YAP1: variants seen among roughly 807,000 people sequenced by gnomAD.
YAP1 encodes the protein Yes1 associated transcriptional regulator, also known as transcriptional coactivator YAP1.
YAP1 carries 5 observed loss-of-function variants against 56.9 expected under a neutral mutation model. The observed-to-expected ratio is 0.09, with a 90% confidence interval of 0.05 to 0.18. The LOEUF (loss-of-function observed/expected upper bound fraction) is 0.18, where lower values mean the gene tolerates loss of function less well. Ranked by LOEUF, YAP1 falls within the 10% of genes least tolerant of loss-of-function variation. The pLI is 1.00. For missense variants in YAP1, 539 were observed against 651.8 expected, an observed-to-expected ratio of 0.83 and a Z score of 1.88; for synonymous variants, 265 against 248.1, an observed-to-expected ratio of 1.07 and a Z score of -0.64.
At position 102,230,290 on chromosome 11, in the gene YAP1, C is replaced by G; in HGVS notation, c.*350C>G. 1 of 196,728 alleles carries G rather than the reference C, an allele frequency of 5.1e-6. No homozygotes were observed. The highest frequency in any genetic ancestry group is 1.1e-5 in the Non-Finnish European group (1 of 94,998). The allele number at this position is 196,728 out of a possible 1,614,324, so 12.2% of individuals were successfully genotyped here. On this transcript the variant is annotated 3_prime_UTR_variant, in exon 9 of 9. Transcript: ENST00000282441. Reference sequence around the variant, plus strand: ...GTTCACCAATCATTTTAACTAAATACTCAGACTTAGAAGTCAGATGCTTCA... The same window carrying G: ...GTTCACCAATCATTTTAACTAAATAGTCAGACTTAGAAGTCAGATGCTTCA...
chr11:102,150,818 T>TTTTTTTTTG (rs1325239503), intron 2 of YAP1, among the ~76,000 whole-genome samples: 1 of 150,418 alleles, frequency 6.6e-6, no homozygotes, highest in African/African-American at 2.4e-5. Context: ...TTTTTTTTTT[T>TTTTTTTTTG]TGGAGACAGT....
rs962813997 is a variant in YAP1, at chr11:102,110,847, C to T, written c.-2C>T. 4.3e-6 allele frequency: 6 copies of T among 1,406,218 alleles called. No homozygotes were observed. The highest frequency in any genetic ancestry group is 5.6e-6 in the Non-Finnish European group (6 of 1,079,824). 87.1% of individuals were successfully genotyped at this position (1,406,218 alleles called of 1,614,324 possible). ...GGGTGCGCGTCGGGGGAGGCAGAAG[C>T]CATGGATCCCGGGCAGCAGCCGCCG... On this transcript the variant is annotated 5_prime_UTR_variant, in exon 1 of 9. Transcript: ENST00000282441.
intron 3 of YAP1, among the ~76,000 whole-genome samples, chr11:102,163,365 T>C (rs1946410788): frequency 6.6e-6 from 1 of 152,220 alleles, no homozygotes; most frequent in African/African-American, 2.4e-5. Flanking sequence ...TATCACATAC[T>C]GTCTGGCGTC....
intron 4 of YAP1, 118 bp downstream of exon 4, chr11:102,186,249 C>A: frequency 1.8e-6 from 2 of 1,109,660 alleles, no homozygotes; most frequent in Non-Finnish European, 1.3e-6. Context: ...AAAAAATGAC[C>A]CTGCCCACCC....
At chr11:102,185,123 C>G (rs1947877983) in intron 3 of YAP1, among the ~76,000 whole-genome samples, 1 of 152,140 alleles carries the variant, frequency 6.6e-6, no homozygotes, top group Non-Finnish European at 1.5e-5. Flanking sequence ...TGCCCTGCCT[C>G]TTTTGATTCC....
chr11:102,195,745 A>G (rs1012843710), intron 4 of YAP1, among the ~76,000 whole-genome samples: 3 of 152,206 alleles, frequency 2.0e-5, no homozygotes, highest in African/African-American at 7.2e-5. Context: ...CTCCCCAGCC[A>G]TGCTGAACTG....
chr11:102,160,665 G>A (rs894490566), intron 2 of YAP1, among the ~76,000 whole-genome samples: 2 of 145,876 alleles, frequency 1.4e-5, no homozygotes, highest in African/African-American at 2.6e-5. Flanking sequence ...GCTAAAAGAC[G>A]TGTTTTTATT....
chr11:102,174,087 A>C (rs1399761166), intron 3 of YAP1, among the ~76,000 whole-genome samples: 1 of 152,216 alleles, frequency 6.6e-6, no homozygotes, highest in Non-Finnish European at 1.5e-5. Context: ...GGTGATGCTG[A>C]TACTGCTGGT....
intron 2 of YAP1, among the ~76,000 whole-genome samples, chr11:102,131,919 C>A (rs1591169721): frequency 6.6e-6 from 1 of 151,960 alleles, no homozygotes; most frequent in Non-Finnish European, 1.5e-5. Flanking sequence ...AAAAGTGATA[C>A]CAAGCCTGGC....
At chr11:102,175,211 C>T (rs367906838) in intron 3 of YAP1, among the ~76,000 whole-genome samples, 1 of 152,086 alleles carries the variant, frequency 6.6e-6, no homozygotes, top group African/African-American at 2.4e-5. Context: ...ACCAGCCTGA[C>T]CAACATGGTG....
At chr11:102,170,966 CA>C (rs5794159) in intron 3 of YAP1, among the ~76,000 whole-genome samples, 112,136 of 129,258 alleles carry the variant, frequency 0.87, 49,756 homozygotes, top group Non-Finnish European at 0.98. Flanking sequence ...GACTCTGTCT[CA>C]AAAAAAAAAA....
chr11:102,214,894 T>C (rs1341831149), intron 6 of YAP1, among the ~76,000 whole-genome samples: 1 of 152,208 alleles, frequency 6.6e-6, no homozygotes, highest in East Asian at 1.9e-4. Context: ...AGGATAATGC[T>C]AGGGAACACC....
intron 2 of YAP1, among the ~76,000 whole-genome samples, chr11:102,121,373 G>A (rs1446514727): frequency 6.6e-6 from 1 of 151,604 alleles, no homozygotes; most frequent in Non-Finnish European, 1.5e-5. Flanking sequence ...CTGGGAAGTC[G>A]AGGCTGCAGT....
intron 2 of YAP1, among the ~76,000 whole-genome samples, chr11:102,143,356 T>A (rs1945126183): frequency 6.6e-6 from 1 of 152,224 alleles, no homozygotes; most frequent in African/African-American, 2.4e-5. Flanking sequence ...CAGATGATTC[T>A]GATGTATCCA....
rs143917627 is a variant in YAP1, at chr11:102,207,735, C to G, written c.984+1661C>G. ...TTAAATTAAGCCATGGCATCTGAGA[C>G]AGGCTCACGTTGAAACTGTGCTTTG... is the stretch of plus-strand genomic sequence containing the variant. On this transcript the variant is annotated intron_variant, in intron 5 of 8. Coordinates refer to ENST00000282441, the MANE Select transcript of YAP1 (RefSeq NM_001130145.3). Among the ~76,000 whole-genome samples, 1,084 of 152,224 alleles carry G rather than the reference C, an allele frequency of 7.1e-3. 17 individuals carry two copies. The highest frequency in any genetic ancestry group is 0.025 in the African/African-American group (1,020 of 41,522).
intron 2 of YAP1, among the ~76,000 whole-genome samples, chr11:102,143,330 T>G (rs962955514): frequency 2.0e-5 from 3 of 152,224 alleles, no homozygotes; most frequent in Non-Finnish European, 4.4e-5. Flanking sequence ...AATTAAGTAC[T>G]GTTGCAGAAG....
intron 6 of YAP1, among the ~76,000 whole-genome samples, chr11:102,222,390 T>C (rs1949976998): frequency 6.6e-6 from 1 of 152,016 alleles, no homozygotes; most frequent in South Asian, 2.1e-4. Flanking sequence ...TAAGAAACAG[T>C]GAACAGATAA....
At chr11:102,164,150 G>A (rs577562471) in intron 3 of YAP1, among the ~76,000 whole-genome samples, 14 of 151,534 alleles carry the variant, frequency 9.2e-5, no homozygotes, top group Middle Eastern at 3.2e-3. Context: ...TGATTCTCGC[G>A]CCTCAGCCTC....
At chr11:102,223,305 T>C (rs1950041618) in intron 6 of YAP1, among the ~76,000 whole-genome samples, 1 of 149,938 alleles carries the variant, frequency 6.7e-6, no homozygotes, top group Non-Finnish European at 1.5e-5. Context: ...AGACTTGCCA[T>C]TCTATAATAA....
Sources: allele counts gnomAD v4.1 joint callset (sites outside exome capture counted in the v4.1 genomes callset), GRCh38; gene constraint gnomAD v4.1.1; transcripts MANE v1.5; gene names NCBI Gene and HGNC (gene_info 2026-07-23, HGNC 2026-07-21).